The following WNK2 variants were observed in gnomAD, a reference collection of about 807,000 sequenced individuals.
WNK2 encodes WNK lysine deficient protein kinase 2.
WNK2 carries 67 observed loss-of-function variants against 192.1 expected under a neutral mutation model. That is an observed-to-expected ratio of 0.35 (90% CI 0.29 to 0.43). The LOEUF (loss-of-function observed/expected upper bound fraction) is 0.43. Ranked by LOEUF, WNK2 falls within the 20% of genes least tolerant of loss-of-function variation. The pLI is 1.00. For missense variants in WNK2, 2,698 were observed against 3,089.7 expected (o/e 0.87, Z 3.01); for synonymous variants, 1,439 against 1,393.9 (o/e 1.03, Z -0.72).
At chr9:93,316,538 A>G (rs1854696643) in intron 28 of WNK2, 1 of 151,900 alleles carries the variant, frequency 6.6e-6, no homozygotes, top group South Asian at 2.1e-4. Flanking sequence ...TTTTCTTTAA[A>G]TCTCCTTTTC....
chr9:93,285,359 A>T (rs1243623645), intron 19 of WNK2, among the ~76,000 whole-genome samples: 3 of 152,248 alleles, frequency 2.0e-5, no homozygotes, highest in Non-Finnish European at 4.4e-5. Flanking sequence ...ATACATAGAG[A>T]TTTAAATTTA....
intron 2 of WNK2, among the ~76,000 whole-genome samples, chr9:93,220,059 T>G (rs1836552839): frequency 6.6e-6 from 1 of 152,188 alleles, no homozygotes; most frequent in African/African-American, 2.4e-5. Context: ...GGAGTCTTGG[T>G]TGTTTAAAGT....
intron 25 of WNK2, 88 bp from the exon 26 acceptor site, chr9:93,299,963 G>A: frequency 9.5e-7 from 1 of 1,047,554 alleles, no homozygotes; most frequent in Non-Finnish European, 1.5e-6. Context: ...TGACGAGGCT[G>A]GTGTGGCTGT....
intron 2 of WNK2, among the ~76,000 whole-genome samples, chr9:93,227,410 G>T (rs1252293318): frequency 6.6e-6 from 1 of 152,094 alleles, no homozygotes; most frequent in Non-Finnish European, 1.5e-5. Context: ...ACCGCACCCG[G>T]CCGTATCCAT....
At chr9:93,208,238 T>G (rs1238528232) in intron 2 of WNK2, among the ~76,000 whole-genome samples, 2 of 152,268 alleles carry the variant, frequency 1.3e-5, no homozygotes, top group Non-Finnish European at 2.9e-5. Context: ...ACGTTTCCAC[T>G]GAAAGTGGAG....
In WNK2 at chr9:93,268,755, A is replaced by G; in HGVS notation, c.4033+9A>G. The G allele has an allele frequency of 6.2e-7, 1 of 1,609,756 alleles. No homozygotes were observed. Among genetic ancestry groups the G allele is most frequent in the Non-Finnish European group, 8.5e-7 (1 of 1,178,600 alleles). ...GCCAGAAGCCAGCCAAGGTATGAGCAGCAGGCGCCCACACAAGCCCCTCCC... is the reference window on the plus strand; with the variant it reads ...GCCAGAAGCCAGCCAAGGTATGAGCGGCAGGCGCCCACACAAGCCCCTCCC... On this transcript the variant is annotated intron_variant, in intron 19 of 29. Coordinates refer to ENST00000427277, the MANE Select transcript of WNK2 (RefSeq NM_006648.4).
chr9:93,207,170 T>G (rs1360939009), intron 2 of WNK2, among the ~76,000 whole-genome samples: 1 of 152,162 alleles, frequency 6.6e-6, no homozygotes, highest in Non-Finnish European at 1.5e-5. Context: ...TAACCCGTTA[T>G]CATGGGAACT....
Position 93,318,574 on chromosome 9 carries a change from T to A in WNK2, c.6628+943T>A, listed in dbSNP as rs759690207. The A allele has an allele frequency of 1.1e-5, 17 of 1,611,974 alleles. No individual in the cohort carries two copies. In the East Asian group the frequency reaches 3.6e-4, roughly 34 times the overall value. On this transcript the variant is annotated intron_variant, in intron 29 of 29. Coordinates refer to ENST00000427277, the MANE Select transcript of WNK2 (RefSeq NM_006648.4). Reference sequence around the variant, plus strand: ...GCTGTGAGTGAGGATAAGGTGTGTGTTGGGCATAGAAACCCTGGCTGCCCG... The same window carrying A: ...GCTGTGAGTGAGGATAAGGTGTGTGATGGGCATAGAAACCCTGGCTGCCCG...
intron 19 of WNK2, among the ~76,000 whole-genome samples, chr9:93,286,412 T>C (rs958866409): frequency 1.3e-5 from 2 of 152,144 alleles, no homozygotes; most frequent in African/African-American, 4.8e-5. Flanking sequence ...CAGGAGAAGG[T>C]ACTCAATTGA....
At chr9:93,219,690 G>A (rs1836467236) in intron 2 of WNK2, among the ~76,000 whole-genome samples, 1 of 152,234 alleles carries the variant, frequency 6.6e-6, no homozygotes, top group South Asian at 2.1e-4. Flanking sequence ...GAGGCTATGT[G>A]GGGGCTCCTT....
intron 29 of WNK2, chr9:93,318,376 G>A: frequency 6.2e-7 from 1 of 1,613,626 alleles, no homozygotes; most frequent in South Asian, 1.1e-5. Flanking sequence ...TTTGTCCTCA[G>A]TAGAGTGCCG....
At chr9:93,273,019 A>G (rs1338605724) in intron 19 of WNK2, among the ~76,000 whole-genome samples, 2 of 152,242 alleles carry the variant, frequency 1.3e-5, no homozygotes, top group African/African-American at 4.8e-5. Flanking sequence ...CTGAAAGGTC[A>G]AAAGAAAAAG....
At chr9:93,283,428 A>G (rs577596215) in intron 19 of WNK2, among the ~76,000 whole-genome samples, 1 of 152,326 alleles carries the variant, frequency 6.6e-6, no homozygotes, top group East Asian at 1.9e-4. Context: ...AGGAGAGAGA[A>G]AGACATAAGT....
intron 13 of WNK2, 116 bp from the exon 14 acceptor site, chr9:93,262,554 A>C: frequency 8.8e-7 from 1 of 1,135,500 alleles, no homozygotes; most frequent in Admixed American, 1.9e-5. Context: ...AGGAGAACGC[A>C]GCGGGGCAGG....
At chr9:93,208,727 C>CGT (rs1833892980) in intron 2 of WNK2, among the ~76,000 whole-genome samples, 1 of 2,042 alleles carries the variant, frequency 4.9e-4, no homozygotes, top group Non-Finnish European at 1.1e-3. Flanking sequence ...GCTCTTCGTG[C>CGT]GTGTTCTGTG....
At position 93,293,011 on chromosome 9, in the gene WNK2, G is replaced by T. The variant is rs760385070; in HGVS notation, c.5546G>T (p.Arg1849Leu). Residue 1849 changes from arginine to leucine, a missense_variant, in exon 23 of 30, where the codon CGG becomes CTG. Coordinates refer to ENST00000427277, the MANE Select transcript of WNK2 (RefSeq NM_006648.4). ...ACCGCCTTCCTGCAGAGGCCTTCTC[G>T]GGCCGGCTCGCTGGGCCCCGAGACA... ...KATAFLQRPS[R>L]AGSLGPETPS... 1 of 1,595,594 alleles carries T rather than the reference G, an allele frequency of 6.3e-7. No individual in the cohort carries two copies. Among genetic ancestry groups the T allele is most frequent in the South Asian group, 1.1e-5 (1 of 89,440 alleles).
chr9:93,239,705 G>T lies in WNK2; in HGVS notation c.1323-52G>T. ...GGTGCGCATGGACACAGGAGCCTGG[G>T]CATGGAGGCCCTGGCGCCCGTGCCC... On this transcript the variant is annotated intron_variant, in intron 6 of 29. Transcript: ENST00000427277. This position sits in a 1 kb window ranked among gnomAD's most constrained non-coding sequence, Gnocchi z 4.2. 6.7e-7 allele frequency: 1 copy of T among 1,498,204 alleles called. No homozygotes were observed. The highest frequency in any genetic ancestry group is 9.0e-7 in the Non-Finnish European group (1 of 1,106,524). The allele number at this position is 1,498,204 out of a possible 1,614,324, so 92.8% of individuals were successfully genotyped here. A position where few individuals can be genotyped will look rare whatever the true frequency, so the allele number is the denominator to read the frequency against.
At chr9:93,232,232 A>G (rs558492111) in intron 4 of WNK2, among the ~76,000 whole-genome samples, 13 of 152,264 alleles carry the variant, frequency 8.5e-5, no homozygotes, top group Non-Finnish European at 1.6e-4. Flanking sequence ...TGGTTTGGGA[A>G]GTCTGTTCAG....
chr9:93,262,624 G>A (rs778353395), intron 13 of WNK2, 46 bp from the exon 14 acceptor site: 18 of 1,606,058 alleles, frequency 1.1e-5, no homozygotes, highest in East Asian at 2.2e-5. Flanking sequence ...ACAGGGAGGC[G>A]GGAGTCCGCA....
Sources: allele counts gnomAD v4.1 joint callset (sites outside exome capture counted in the v4.1 genomes callset), GRCh38; gene constraint gnomAD v4.1.1; non-coding constraint Gnocchi (gnomAD v3.1); transcripts MANE v1.5; gene names NCBI Gene and HGNC (gene_info 2026-07-23, HGNC 2026-07-21).